Variants in ZFAND6 observed in about 807,000 individuals in gnomAD.
ZFAND6 encodes zinc finger AN1-type containing 6.
Under a neutral mutation model 24.5 loss-of-function variants are expected in ZFAND6, and 12 were observed. That is an observed-to-expected ratio of 0.49 (90% CI 0.31 to 0.79). ZFAND6 has a LOEUF of 0.79. Among genes scored for constraint, ZFAND6 ranks in the 30% least tolerant of loss-of-function variants. The pLI is 0.04. For synonymous variants in ZFAND6, 92 were observed against 81.5 expected (o/e 1.13, Z -0.69); for missense variants, 207 against 245.9 (o/e 0.84, Z 1.06).
At chr15:80,103,367 G>GT (rs1288183142) in intron 2 of ZFAND6, among the ~76,000 whole-genome samples, 57 of 152,016 alleles carry the variant, frequency 3.7e-4, no homozygotes, top group Non-Finnish European at 6.8e-4. Context: ...TCCTTACCTG[G>GT]TTTTTTTAAT....
chr15:80,120,996 A>G (rs2040121103), intron 3 of ZFAND6, among the ~76,000 whole-genome samples: 1 of 152,154 alleles, frequency 6.6e-6, no homozygotes, highest in African/African-American at 2.4e-5. Flanking sequence ...TTTTTGTGTC[A>G]AAGGATATTC....
At chr15:80,079,065 A>T (rs1389101344) in intron 1 of ZFAND6, among the ~76,000 whole-genome samples, 4 of 140,114 alleles carry the variant, frequency 2.9e-5, no homozygotes, top group Non-Finnish European at 4.6e-5. Flanking sequence ...CAGTCCCCAG[A>T]GTGTGTCTTC....
At chr15:80,121,944 G>A (rs377224850) in intron 4 of ZFAND6, 124 bp downstream of exon 4, 6 of 825,276 alleles carry the variant, frequency 7.3e-6, no homozygotes, top group Admixed American at 5.8e-5. Flanking sequence ...AAATTTTATC[G>A]TCTGATTATA....
chr15:80,112,615 C>G (rs533906396), intron 2 of ZFAND6, among the ~76,000 whole-genome samples: 67 of 152,272 alleles, frequency 4.4e-4, no homozygotes, highest in African/African-American at 1.6e-3. Context: ...TCAGGCTGGT[C>G]TCAAACTCCT....
intron 5 of ZFAND6, chr15:80,130,052 G>A (rs2040529296): frequency 6.6e-6 from 1 of 152,234 alleles, no homozygotes; most frequent in African/African-American, 2.4e-5. Flanking sequence ...TTTATCCTGG[G>A]GGGTAGTTGG....
chr15:80,133,642 C>T (rs1253886509), intron 6 of ZFAND6, among the ~76,000 whole-genome samples: 1 of 152,110 alleles, frequency 6.6e-6, no homozygotes, highest in Admixed American at 6.5e-5. Context: ...GAGTATCTGC[C>T]TGAACAAGTT....
intron 1 of ZFAND6, among the ~76,000 whole-genome samples, chr15:80,079,548 T>C (rs2037516712): frequency 6.6e-6 from 1 of 151,932 alleles, no homozygotes; most frequent in South Asian, 2.1e-4. Context: ...GCTGTTCTTT[T>C]GGTATACATT....
intron 1 of ZFAND6, among the ~76,000 whole-genome samples, chr15:80,064,060 A>G (rs970112889): frequency 6.6e-6 from 1 of 152,252 alleles, no homozygotes; most frequent in Non-Finnish European, 1.5e-5. Flanking sequence ...GTTCCATCTT[A>G]TAAAAGTACT....
chr15:80,065,537 A>ATTTTTTTTTTTGTTTTTTTTTTTTTTT (rs2036580378), intron 1 of ZFAND6, among the ~76,000 whole-genome samples: 1 of 76,506 alleles, frequency 1.3e-5, no homozygotes, highest in African/African-American at 5.3e-5. Flanking sequence ...TTTGGTTTTG[A>ATTTTTTTTTTTGTTTTTTTTTTTTTTT]TTTTTTTTTT....
intron 2 of ZFAND6, among the ~76,000 whole-genome samples, chr15:80,116,075 A>G (rs1268432673): frequency 1.3e-5 from 2 of 150,592 alleles, no homozygotes; most frequent in Admixed American, 6.6e-5. Context: ...TTTTTCCCTA[A>G]GGAGCCTTTT....
At chr15:80,070,531 G>C (rs1316505820) in intron 1 of ZFAND6, among the ~76,000 whole-genome samples, 2 of 152,134 alleles carry the variant, frequency 1.3e-5, no homozygotes, top group Non-Finnish European at 2.9e-5. Context: ...TAACCTGTTT[G>C]CTACCTAAAA....
chr15:80,078,143 A>G (rs1284585577), intron 1 of ZFAND6, among the ~76,000 whole-genome samples: 1 of 152,174 alleles, frequency 6.6e-6, no homozygotes, highest in Non-Finnish European at 1.5e-5. Context: ...TTGATGTACA[A>G]ACAATCCCGT....
chr15:80,063,847 G>A (rs980091049), intron 1 of ZFAND6, among the ~76,000 whole-genome samples: 3 of 152,160 alleles, frequency 2.0e-5, no homozygotes, highest in Non-Finnish European at 2.9e-5. Context: ...CACTGCACCC[G>A]GCCTAAATTT....
intron 1 of ZFAND6, among the ~76,000 whole-genome samples, chr15:80,091,752 G>A (rs1001344176): frequency 1.3e-5 from 2 of 152,184 alleles, no homozygotes; most frequent in East Asian, 1.9e-4. Context: ...CAGTCCTCTT[G>A]CCTCAGCCTC....
At chr15:80,085,982 C>T (rs779450131) in intron 1 of ZFAND6, among the ~76,000 whole-genome samples, 3 of 152,036 alleles carry the variant, frequency 2.0e-5, no homozygotes, top group African/African-American at 2.4e-5. Context: ...TACCAGTAGA[C>T]GTATTAATTT....
At chr15:80,070,937 A>T (rs944019618) in intron 1 of ZFAND6, among the ~76,000 whole-genome samples, 3 of 152,120 alleles carry the variant, frequency 2.0e-5, no homozygotes, top group Non-Finnish European at 4.4e-5. Context: ...CTTTTGCAAG[A>T]GTGTCCACAC....
chr15:80,123,361 G>A (rs1213298740), intron 5 of ZFAND6, among the ~76,000 whole-genome samples: 2 of 152,146 alleles, frequency 1.3e-5, no homozygotes, highest in Non-Finnish European at 2.9e-5. Flanking sequence ...GAAGGCTTTC[G>A]TAGTAGGGAG....
chr15:80,076,931 T>C (rs2037318860), intron 1 of ZFAND6, among the ~76,000 whole-genome samples: 4 of 151,764 alleles, frequency 2.6e-5, no homozygotes. Flanking sequence ...TTTCTGACAG[T>C]TTTTTGGAAC....
rs182605908 is a variant in ZFAND6, at chr15:80,105,171, T to A, written c.-18+6593T>A. ...TGCTTTTATCCTTCCTTTACAGTTA[T>A]AAATATTGAGCGTAAGCACATAGTA... On this transcript the variant is annotated intron_variant, in intron 2 of 6. Transcript: ENST00000261749. Among the ~76,000 whole-genome samples the A allele has an allele frequency of 8.0e-4, 122 of 152,366 alleles. 1 individual carries two copies. Among genetic ancestry groups the A allele is most frequent in the Middle Eastern group, 6.8e-3 (2 of 294 alleles).
Sources: gnomAD v4.1 joint callset for allele counts (sites outside exome capture counted in the v4.1 genomes callset) on GRCh38, gnomAD v4.1.1 for gene constraint, MANE v1.5 for transcripts, NCBI Gene and HGNC (gene_info 2026-07-23, HGNC 2026-07-21) for gene names.